The following RBKS variants were observed in gnomAD, a reference collection of about 807,000 sequenced individuals.
RBKS encodes the protein ribokinase.
RBKS carries 33 observed loss-of-function variants against 33.9 expected under a neutral mutation model. That is an observed-to-expected ratio of 0.97 (90% CI 0.74 to 1.30). The LOEUF is 1.30. Among genes scored for constraint, RBKS ranks in the 50% most tolerant of loss-of-function variants. RBKS has a pLI of 0.00. For missense variants in RBKS, 361 were observed against 392.6 expected (o/e 0.92, Z 0.68); for synonymous variants, 125 against 143.0 (o/e 0.87, Z 0.90).
chr2:27,884,527 G>T (rs1030394169), intron 1 of RBKS, among the ~76,000 whole-genome samples: 3 of 151,742 alleles, frequency 2.0e-5, no homozygotes, highest in Non-Finnish European at 4.4e-5. Context: ...TTATAGGCTT[G>T]AGCCACCACT....
At chr2:27,849,559 CAAAAAAAAAAAA>C (rs70953894) in intron 2 of RBKS, among the ~76,000 whole-genome samples, 7 of 28,598 alleles carry the variant, frequency 2.4e-4, no homozygotes, top group African/African-American at 5.0e-4. Flanking sequence ...GACTCTGTCT[CAAAAAAAAAAAA>C]AAAAAAAAAA....
At position 27,810,957 on chromosome 2, in the gene RBKS, A is replaced by G. The variant is rs1362667074; in HGVS notation, c.795+16610T>C. Among the ~76,000 whole-genome samples, 1 of 152,214 alleles carries G rather than the reference A, an allele frequency of 6.6e-6. No homozygotes were observed. Among genetic ancestry groups the G allele is most frequent in the Non-Finnish European group, 1.5e-5 (1 of 68,040 alleles). ...CTCCCCATTGCCCTCAGAAGTGTGA[A>G]TTCTCAGAAGTGGCAAAGGAAGCCC... is the stretch of plus-strand genomic sequence containing the variant. On this transcript the variant is annotated intron_variant, in intron 7 of 7. Coordinates refer to ENST00000302188, the MANE Select transcript of RBKS (RefSeq NM_022128.3). This position sits in a 1 kb window ranked among gnomAD's most constrained non-coding sequence, Gnocchi z 4.4.
intron 1 of RBKS, among the ~76,000 whole-genome samples, chr2:27,879,364 C>A (rs542537144): frequency 6.6e-6 from 1 of 152,144 alleles, no homozygotes; most frequent in Admixed American, 6.5e-5. Flanking sequence ...TGAAATGGCA[C>A]TGGGAGGTGA....
intron 1 of RBKS, among the ~76,000 whole-genome samples, chr2:27,876,401 T>C (rs373687618): frequency 6.6e-6 from 1 of 152,234 alleles, no homozygotes; most frequent in African/African-American, 2.4e-5. Flanking sequence ...CTATATGAGA[T>C]ACTTTGACTC....
In RBKS at chr2:27,861,669, G is replaced by GGGT. The variant is rs934799135; in HGVS notation, c.90-3099_90-3098insACC. On this transcript the variant is annotated intron_variant, in intron 1 of 7. Coordinates refer to ENST00000302188, the MANE Select transcript of RBKS (RefSeq NM_022128.3). ...AGTATGTTCCATTTCTTTTTGGGGG[G>GGGT]GGGGTGGAGTCTCACTTTGTCTCCC... 46 of 429,776 alleles carry GGGT rather than the reference G, an allele frequency of 1.1e-4. 6 individuals are homozygous for GGGT. In the East Asian group the frequency reaches 3.2e-3, roughly 30 times the overall value. 26.6% of individuals were successfully genotyped at this position (429,776 alleles called of 1,614,324 possible).
rs191865546 is a variant in RBKS, at chr2:27,794,250, T to A, written c.796-12462A>T. ...AGGTGGAGGTTGTGGTGAGCTGAGA[T>A]TGTGCCACTGCACTCCAGCCTGGGC... On this transcript the variant is annotated intron_variant, in intron 7 of 7. Transcript: ENST00000302188. 5.8e-3 allele frequency among the ~76,000 whole-genome samples: 876 copies of A among 150,568 alleles called. 4 individuals are homozygous for A. The highest frequency in any genetic ancestry group is 7.1e-3 in the Non-Finnish European group (479 of 67,756).
intron 1 of RBKS, among the ~76,000 whole-genome samples, chr2:27,883,725 A>ATT (rs59775257): frequency 4.2e-5 from 6 of 144,578 alleles, no homozygotes; most frequent in African/African-American, 2.5e-5. Flanking sequence ...GTCATATGCA[A>ATT]TTTTTTTTTT....
At chr2:27,843,312 C>A in intron 4 of RBKS, 81 bp from the exon 5 acceptor site, 1 of 1,066,088 alleles carries the variant, frequency 9.4e-7, no homozygotes, top group Non-Finnish European at 1.3e-6. Flanking sequence ...AATACAATCG[C>A]CCTTGTAAAG....
At chr2:27,792,699 C>T (rs1385417682) in intron 7 of RBKS, among the ~76,000 whole-genome samples, 2 of 152,188 alleles carry the variant, frequency 1.3e-5, no homozygotes, top group African/African-American at 2.4e-5. Context: ...TGCTGGTTCA[C>T]ACTCTGACCT....
At chr2:27,878,619 A>G (rs1357595521) in intron 1 of RBKS, among the ~76,000 whole-genome samples, 1 of 152,060 alleles carries the variant, frequency 6.6e-6, no homozygotes, top group Non-Finnish European at 1.5e-5. Flanking sequence ...GACTTCCACA[A>G]TGGTTGAACT....
chr2:27,849,559 C>CAAAAAAAAAAAAAAAAAAAAA (rs70953894), intron 2 of RBKS, among the ~76,000 whole-genome samples: 3 of 28,594 alleles, frequency 1.0e-4, no homozygotes, highest in Non-Finnish European at 2.2e-4. Flanking sequence ...GACTCTGTCT[C>CAAAAAAAAAAAAAAAAAAAAA]AAAAAAAAAA....
At chr2:27,807,484 G>A (rs1026843312) in intron 7 of RBKS, among the ~76,000 whole-genome samples, 4 of 152,026 alleles carry the variant, frequency 2.6e-5, no homozygotes, top group South Asian at 2.1e-4. Flanking sequence ...GGACTCAAAC[G>A]ATCCTCCCAA....
At chr2:27,794,305 AAATAATAATAATAATAATAATAAT>A (rs70953884) in intron 7 of RBKS, among the ~76,000 whole-genome samples, 3 of 137,742 alleles carry the variant, frequency 2.2e-5, no homozygotes, top group African/African-American at 8.0e-5. Flanking sequence ...CCCCCCCACA[AAATAATAATAATAATAATAATAAT>A]AATAATAATA....
chr2:27,825,662 A>G (rs1262823524), intron 7 of RBKS, among the ~76,000 whole-genome samples: 1 of 152,226 alleles, frequency 6.6e-6, no homozygotes, highest in Non-Finnish European at 1.5e-5. Flanking sequence ...ATAGCCCACT[A>G]TGAGGAAGGC....
rs1678553253 is a variant in RBKS at position 27,837,706 on chromosome 2, T to C, written c.515-4929A>G. Among the ~76,000 whole-genome samples the C allele has an allele frequency of 6.6e-6, 1 of 152,190 alleles. No individual in the cohort carries two copies. Among genetic ancestry groups the C allele is most frequent in the African/African-American group, 2.4e-5 (1 of 41,440 alleles). On this transcript the variant is annotated intron_variant, in intron 5 of 7. Transcript: ENST00000302188. The surrounding 1 kb of genome is among the most constrained non-coding windows in gnomAD (Gnocchi z 4.0). ...TAGATGGAGCTGGAGGCCATAATCC[T>C]AATCAAATTAAAATAAGAACAGAAA...
At chr2:27,889,650 G>T (rs1036591141) in intron 1 of RBKS, among the ~76,000 whole-genome samples, 2 of 152,140 alleles carry the variant, frequency 1.3e-5, no homozygotes, top group Non-Finnish European at 2.9e-5. Context: ...TGTAAATACT[G>T]TGTTTATGTT....
chr2:27,858,405 C>T (rs999189407), intron 2 of RBKS, 34 bp downstream of exon 2: 7 of 1,560,692 alleles, frequency 4.5e-6, no homozygotes, highest in Non-Finnish European at 6.1e-6. Flanking sequence ...AGATTCTTAC[C>T]TCTAGAGTCC....
intron 7 of RBKS, among the ~76,000 whole-genome samples, chr2:27,791,973 A>G (rs1677535754): frequency 6.6e-6 from 1 of 152,122 alleles, no homozygotes; most frequent in South Asian, 2.1e-4. Context: ...TATAAAAATT[A>G]TATCTAATAC....
chr2:27,785,753 C>T (rs1240929862), intron 7 of RBKS, among the ~76,000 whole-genome samples: 4 of 147,292 alleles, frequency 2.7e-5, no homozygotes, highest in Non-Finnish European at 4.5e-5. Flanking sequence ...CAGAGCGAGA[C>T]TCCATCTCAA....
Sources: allele counts gnomAD v4.1 joint callset (sites outside exome capture counted in the v4.1 genomes callset), GRCh38; gene constraint gnomAD v4.1.1; non-coding constraint Gnocchi (gnomAD v3.1); transcripts MANE v1.5; gene names NCBI Gene and HGNC (gene_info 2026-07-23, HGNC 2026-07-21).